Variants in MSI2 observed in about 807,000 individuals in gnomAD.
The protein encoded by MSI2 is RNA-binding protein Musashi homolog 2.
Under a neutral mutation model 45.6 loss-of-function variants are expected in MSI2, and 17 were observed. The ratio of observed to expected loss-of-function variants is 0.37; its 90% CI spans 0.26 to 0.56. The LOEUF is 0.56. Among genes scored for constraint, MSI2 ranks in the 20% least tolerant of loss-of-function variants. The probability of loss-of-function intolerance (pLI) is 0.77; values close to 1 mark genes in which losing one functional copy is unlikely to be tolerated. For synonymous variants in MSI2, 156 were observed against 158.2 expected, an observed-to-expected ratio of 0.99 and a Z score of 0.11; for missense variants, 293 against 444.2, an observed-to-expected ratio of 0.66 and a Z score of 3.06.
chr17:57,675,124 G>A lies in MSI2; in HGVS notation c.943G>A (p.Ala315Thr). The part of the protein sequence containing the change: ...QPGSGFGHGI[A>T]GPLIATAFTN... ...GGGCTCGGGCTTCGGCCACGGCATA[G>A]CTGTAAGTACCTGCCTTCCCCTGCC... The change falls in exon 12 of 14, where the codon GCT becomes ACT. Residue 315 changes from alanine (A) to threonine (T), a missense_variant and splice_region_variant. By Grantham distance (58) the Ala-to-Thr change is moderately conservative. Coordinates refer to ENST00000284073, the MANE Select transcript of MSI2 (RefSeq NM_138962.4). The A allele has an allele frequency of 6.2e-7, 1 of 1,612,406 alleles. No individual in the cohort carries two copies. Among genetic ancestry groups the A allele is most frequent in the Non-Finnish European group, 8.5e-7 (1 of 1,179,322 alleles).
At chr17:57,333,324 G>A (rs1000595398) in intron 5 of MSI2, among the ~76,000 whole-genome samples, 4 of 152,084 alleles carry the variant, frequency 2.6e-5, no homozygotes, top group African/African-American at 9.7e-5. Context: ...TTCCCCCCTG[G>A]AAAGTTCCCA....
At chr17:57,376,734 T>C (rs1036147576) in intron 5 of MSI2, among the ~76,000 whole-genome samples, 6 of 152,206 alleles carry the variant, frequency 3.9e-5, no homozygotes, top group African/African-American at 1.4e-4. Flanking sequence ...CGTCTTCCTC[T>C]TTTGGGAAAA....
At chr17:57,488,156 C>T (rs997521263) in intron 6 of MSI2, among the ~76,000 whole-genome samples, 1 of 152,112 alleles carries the variant, frequency 6.6e-6, no homozygotes, top group Non-Finnish European at 1.5e-5. Flanking sequence ...GGCCTCATTC[C>T]TCCAGAGGGT....
At chr17:57,588,466 G>A (rs540943363) in intron 7 of MSI2, among the ~76,000 whole-genome samples, 4 of 152,332 alleles carry the variant, frequency 2.6e-5, no homozygotes, top group Non-Finnish European at 4.4e-5. Context: ...TACATCTGCG[G>A]TTGGGGGTCT....
intron 7 of MSI2, among the ~76,000 whole-genome samples, chr17:57,555,720 C>T (rs2087418875): frequency 6.6e-6 from 1 of 152,200 alleles, no homozygotes; most frequent in Admixed American, 6.5e-5. Context: ...GTACCTGGGA[C>T]ATAATAGGTA....
At chr17:57,487,910 C>G (rs1320756900) in intron 6 of MSI2, among the ~76,000 whole-genome samples, 2 of 152,030 alleles carry the variant, frequency 1.3e-5, no homozygotes, top group East Asian at 3.9e-4. Context: ...TTGGTGCCCC[C>G]TCTGTGCACA....
intron 6 of MSI2, among the ~76,000 whole-genome samples, chr17:57,528,709 T>C (rs1466668479): frequency 6.6e-6 from 1 of 152,194 alleles, no homozygotes; most frequent in African/African-American, 2.4e-5. Context: ...CCTGTTTGTG[T>C]TTGTGTCCTA....
chr17:57,377,759 C>T (rs972178477), intron 5 of MSI2, among the ~76,000 whole-genome samples: 2 of 151,986 alleles, frequency 1.3e-5, no homozygotes, highest in South Asian at 2.1e-4. Flanking sequence ...AACCTGTCTT[C>T]CACTCGCTCC....
At chr17:57,460,788 T>C (rs2085211575) in intron 6 of MSI2, among the ~76,000 whole-genome samples, 1 of 151,998 alleles carries the variant, frequency 6.6e-6, no homozygotes, top group African/African-American at 2.4e-5. Context: ...GAGGTCACCA[T>C]TGAGCCGAGA....
intron 6 of MSI2, among the ~76,000 whole-genome samples, chr17:57,464,540 T>C (rs1052455185): frequency 2.6e-5 from 4 of 152,082 alleles, no homozygotes; most frequent in Admixed American, 6.6e-5. Context: ...GGGGGTCAGA[T>C]TGGGGAGAAC....
At chr17:57,376,257 A>G (rs887514180) in intron 5 of MSI2, among the ~76,000 whole-genome samples, 1 of 152,216 alleles carries the variant, frequency 6.6e-6, no homozygotes. Context: ...AAAGGTATAC[A>G]ATACTTTGGA....
rs993159435 is a variant in MSI2 at position 57,673,783 on chromosome 17, C to T, written c.791-1189C>T. 2.6e-5 allele frequency among the ~76,000 whole-genome samples: 4 copies of T among 151,976 alleles called. No individual in the cohort carries two copies. In the South Asian group the frequency reaches 6.2e-4, roughly 24 times the overall value. On this transcript the variant is annotated intron_variant, in intron 11 of 13. Transcript: ENST00000284073. ...AACCCCACCACTCTCTGGATTTGTG[C>T]GTGTCAAGTCCACTCTCTCTGTAGC...
intron 8 of MSI2, among the ~76,000 whole-genome samples, chr17:57,600,000 T>C (rs1395028127): frequency 6.6e-6 from 1 of 152,160 alleles, no homozygotes. Flanking sequence ...CCAATTCCCC[T>C]CCTCTGAAGA....
chr17:57,495,379 A>G (rs375527804), intron 6 of MSI2, among the ~76,000 whole-genome samples: 2 of 151,992 alleles, frequency 1.3e-5, no homozygotes, highest in East Asian at 3.9e-4. Flanking sequence ...CTAAAAATAC[A>G]AAAATCAGCC....
rs558195703 is a variant in MSI2 at position 57,346,236 on chromosome 17, G to A, written c.313-55143G>A. On this transcript the variant is annotated intron_variant, in intron 5 of 13. Coordinates refer to ENST00000284073, the MANE Select transcript of MSI2 (RefSeq NM_138962.4). ...GAAACCACTTGCTCACTTGTATTTC[G>A]TGAGAATTGCATAGAAATTGCAGCA... 5.0e-4 allele frequency among the ~76,000 whole-genome samples: 76 copies of A among 151,820 alleles called. 3 individuals carry two copies. In the South Asian group the frequency reaches 5.6e-3, roughly 11 times the overall value.
intron 7 of MSI2, among the ~76,000 whole-genome samples, chr17:57,535,034 A>G (rs1226240975): frequency 6.6e-6 from 1 of 152,240 alleles, no homozygotes; most frequent in Non-Finnish European, 1.5e-5. Flanking sequence ...GGAAGAGGCA[A>G]CAAGGTGCTG....
At chr17:57,328,334 CAT>C (rs1913989992) in intron 5 of MSI2, among the ~76,000 whole-genome samples, 6 of 149,902 alleles carry the variant, frequency 4.0e-5, no homozygotes, top group African/African-American at 1.5e-4. Context: ...TCCATCCATG[CAT>C]CCATCCATTC....
At chr17:57,542,286 C>T (rs897120439) in intron 7 of MSI2, among the ~76,000 whole-genome samples, 2 of 152,172 alleles carry the variant, frequency 1.3e-5, no homozygotes, top group African/African-American at 4.8e-5. Flanking sequence ...GGGACCTTTC[C>T]CAAAGTTCAT....
At chr17:57,643,850 C>A (rs988834118) in intron 10 of MSI2, among the ~76,000 whole-genome samples, 3 of 152,188 alleles carry the variant, frequency 2.0e-5, no homozygotes, top group Non-Finnish European at 4.4e-5. Flanking sequence ...AACTAACACC[C>A]TTAGGGCTCT....
Sources: allele counts gnomAD v4.1 joint callset (sites outside exome capture counted in the v4.1 genomes callset), GRCh38; gene constraint gnomAD v4.1.1; transcripts MANE v1.5; gene names NCBI Gene and HGNC (gene_info 2026-07-23, HGNC 2026-07-21).